The following REXO4 variants were observed in gnomAD, a reference collection of about 807,000 sequenced individuals.
REXO4 encodes REX4 homolog, 3'-5' exonuclease.
REXO4 carries 29 observed loss-of-function variants against 39.9 expected under a neutral mutation model. The observed-to-expected ratio is 0.73, with a 90% confidence interval of 0.54 to 0.99. The LOEUF is 0.99. REXO4 is among the 50% of genes least tolerant of loss of function. The pLI is 0.00. For missense variants in REXO4, 524 were observed against 546.5 expected (o/e 0.96, Z 0.41); for synonymous variants, 184 against 206.2 (o/e 0.89, Z 0.92).
chr9:133,417,265 C>T (rs1839690855), intron 1 of REXO4, among the ~76,000 whole-genome samples: 1 of 152,270 alleles, frequency 6.6e-6, no homozygotes, highest in Non-Finnish European at 1.5e-5. Context: ...GATCTGCCCG[C>T]CTCGGCCTCC....
rs782750666 is a variant in REXO4, at chr9:133,412,381, A to T, written c.828T>A (p.Tyr276Ter). 6.2e-7 allele frequency: 1 copy of T among 1,614,112 alleles called. No homozygotes were observed. Among genetic ancestry groups the T allele is most frequent in the South Asian group, 1.1e-5 (1 of 91,076 alleles). The change falls in exon 4 of 8, where the codon TAT becomes TAA. Residue 276 changes from tyrosine to a stop codon, truncating the protein, a stop_gained. Coordinates refer to ENST00000371942, the MANE Select transcript of REXO4 (RefSeq NM_020385.4). LOFTEE classifies it high-confidence loss of function. ...GCTCGGTTGGTTTGACGTACTTGTC[A>T]TAAACGCACTTCCCATACTGGTTCA... is the stretch of plus-strand genomic sequence containing the variant. ...SIVNQYGKCV[Y>*]DKYVKPTEPV...
At chr9:133,416,607 T>C (rs1554781623) in intron 1 of REXO4, among the ~76,000 whole-genome samples, 2 of 152,136 alleles carry the variant, frequency 1.3e-5, no homozygotes, top group African/African-American at 2.4e-5. Context: ...TAAGAATGTA[T>C]GAGTGACGCA....
chr9:133,414,590 C>T (rs781809440), intron 2 of REXO4, 75 bp downstream of exon 2: 1 of 1,331,628 alleles, frequency 7.5e-7, no homozygotes, highest in Non-Finnish European at 1.1e-6. Context: ...GTGAGGCCAC[C>T]AGCCTCCATA....
At chr9:133,414,046 C>T (rs587752092) in intron 2 of REXO4, among the ~76,000 whole-genome samples, 3 of 152,352 alleles carry the variant, frequency 2.0e-5, no homozygotes, top group East Asian at 3.9e-4. Flanking sequence ...CCGGTCCACC[C>T]CACGTGGGTG....
chr9:133,412,713 T>G, intron 3 of REXO4, 65 bp downstream of exon 3: 1 of 1,587,242 alleles, frequency 6.3e-7, no homozygotes, highest in Non-Finnish European at 8.6e-7. Flanking sequence ...TCCTCTTCCT[T>G]GAAGAAGCCC....
Position 133,417,744 on chromosome 9 carries a change from T to C in REXO4, c.101A>G (p.Lys34Arg). The C allele has an allele frequency of 6.2e-7, 1 of 1,613,864 alleles. No individual in the cohort carries two copies. Among genetic ancestry groups the C allele is most frequent in the Non-Finnish European group, 8.5e-7 (1 of 1,179,962 alleles). Residue 34 changes from lysine to arginine, a missense_variant, in exon 1 of 8, where the codon AAA (lysine) becomes AGA (arginine). Physicochemically the swap from Lys to Arg is conservative, Grantham distance 26 (BLOSUM62 2). Transcript: ENST00000371942. ...KTLTRKKNKK[K>R]KRFWKSKARE... is the part of the protein sequence containing the mutation. ...CGCCTTGCTTTTCCAAAACCTTTTT[T>C]TCTTCTTGTTTTTCTTCCGAGTGAG...
chr9:133,408,227 G>A (rs782067561), intron 6 of REXO4, among the ~76,000 whole-genome samples: 1 of 152,124 alleles, frequency 6.6e-6, no homozygotes. Context: ...GCCAACGAGG[G>A]CAGATCACTT....
chr9:133,407,138 T>A lies in REXO4; in HGVS notation c.1150-66A>T, dbSNP rs146195085. ...CCGCAGCCCACAGTCAACCCCACAA[T>A]GACTGAGCCCTCCCACTAGCCACTC... On this transcript the variant is annotated intron_variant, in intron 7 of 7. Coordinates refer to ENST00000371942, the MANE Select transcript of REXO4 (RefSeq NM_020385.4). 2,481 of 1,601,046 alleles carry A rather than the reference T, an allele frequency of 1.5e-3. 36 individuals are homozygous for A. Among genetic ancestry groups the A allele is most frequent in the East Asian group, 8.1e-3 (362 of 44,780 alleles).
At chr9:133,412,724 C>A (rs907081849) in intron 3 of REXO4, 54 bp downstream of exon 3, 46 of 1,594,554 alleles carry the variant, frequency 2.9e-5, no homozygotes, top group Non-Finnish European at 3.5e-5. Flanking sequence ...GAAGAAGCCC[C>A]GCCCTCCACG....
In REXO4 at chr9:133,412,362, T is replaced by G. The variant is rs2285487; in HGVS notation, c.847A>C (p.Thr283Pro). 1.6e-5 allele frequency: 26 copies of G among 1,613,906 alleles called. No individual in the cohort carries two copies. In the African/African-American group the frequency reaches 3.5e-4, roughly 22 times the overall value. The change falls in exon 4 of 8, where the codon ACC becomes CCC. Residue 283 changes from threonine to proline, a missense_variant. Coordinates refer to ENST00000371942, the MANE Select transcript of REXO4 (RefSeq NM_020385.4). ...KCVYDKYVKPTEPVTDYRTAV... is the reference protein window; with the variant it reads ...KCVYDKYVKPPEPVTDYRTAV... ...GTCCTATAGTCCGTCACGGGCTCGGTTGGTTTGACGTACTTGTCATAAACG... is the reference window on the plus strand; with the variant it reads ...GTCCTATAGTCCGTCACGGGCTCGGGTGGTTTGACGTACTTGTCATAAACG...
At position 133,414,821 on chromosome 9, in the gene REXO4, T is replaced by C. The variant is rs782023241; in HGVS notation, c.416A>G (p.Asp139Gly). ...GGTGCGAGGTACTGGCGCCCTCCTG[T>C]CCATCTTGGAACCTGAAGGAACAGA... Reference protein sequence around the residue: ...RGSVPSGSKMDRRAPVPRTKA... With the variant: ...RGSVPSGSKMGRRAPVPRTKA... Residue 139 changes from aspartate to glycine, a missense_variant, in exon 2 of 8, where the codon GAC becomes GGC. Physicochemically the swap from Asp to Gly is moderately conservative, Grantham distance 94. Coordinates refer to ENST00000371942, the MANE Select transcript of REXO4 (RefSeq NM_020385.4). The C allele has an allele frequency of 6.2e-7, 1 of 1,614,174 alleles. No homozygotes were observed. The highest frequency in any genetic ancestry group is 1.1e-5 in the South Asian group (1 of 91,082).
In REXO4 at chr9:133,406,422, T is replaced by C. The variant is rs13940; in HGVS notation, c.*531A>G. On this transcript the variant is annotated 3_prime_UTR_variant, in exon 8 of 8. Transcript: ENST00000371942. ...TTTAATTTAGATAAATGCTCAAAGT[T>C]CAAACGGCCACAGGAAACCCCTGAT... 0.1 allele frequency: 16,177 copies of C among 155,092 alleles called. 1,061 individuals are homozygous for C. Among genetic ancestry groups the C allele is most frequent in the African/African-American group, 0.18 (7,525 of 41,576 alleles). The allele number at this position is 155,092 out of a possible 1,614,324, so 9.6% of individuals were successfully genotyped here. A position where few individuals can be genotyped will look rare whatever the true frequency, so the allele number is the denominator to read the frequency against.
rs376023502 is a variant in REXO4, at chr9:133,414,633, C to A, written c.572+32G>T. 5 of 1,601,886 alleles carry A rather than the reference C, an allele frequency of 3.1e-6. No homozygotes were observed. The African/African-American group carries it at 6.7e-5, about 21-fold the overall frequency. On this transcript the variant is annotated intron_variant, in intron 2 of 7. Transcript: ENST00000371942. ...AGGCCTTGGTGAAGTCGCTGTGCCT[C>A]GGTTCTCAGTGGTGAGGTGGCCCAT...
chr9:133,418,005 G>A lies in REXO4; in HGVS notation c.-161C>T. 1.5e-6 allele frequency: 1 copy of A among 654,210 alleles called. No homozygotes were observed. Among genetic ancestry groups the A allele is most frequent in the Admixed American group, 3.0e-5 (1 of 33,768 alleles). 40.5% of individuals were successfully genotyped at this position (654,210 alleles called of 1,614,324 possible). ...CTCCGGAAGAGACCCCGCACGCGTTGCGCATACCTCAGCACGCACGCTCCA... is the reference window on the plus strand; with the variant it reads ...CTCCGGAAGAGACCCCGCACGCGTTACGCATACCTCAGCACGCACGCTCCA... On this transcript the variant is annotated 5_prime_UTR_variant, in exon 1 of 8. Coordinates refer to ENST00000371942, the MANE Select transcript of REXO4 (RefSeq NM_020385.4).
At chr9:133,409,910 C>T (rs782715147) in intron 5 of REXO4, among the ~76,000 whole-genome samples, 6 of 152,140 alleles carry the variant, frequency 3.9e-5, no homozygotes, top group Non-Finnish European at 7.3e-5. Flanking sequence ...GCGCAAGGTG[C>T]CAGGGATGGA....
Position 133,417,798 on chromosome 9 carries a change from G to A in REXO4, c.47C>T (p.Pro16Leu), listed in dbSNP as rs1554782034. ...CTTGACAGGACCCGGCTTAGCCACG[G>A]GGCTGCTCGGGGCGCGCTTGGAGGC... Reference protein sequence around the residue: ...VPASKRAPSSPVAKPGPVKTL... With the variant: ...VPASKRAPSSLVAKPGPVKTL... The change falls in exon 1 of 8, where the codon CCC becomes CTC. Residue 16 changes from proline (P) to leucine (L), a missense_variant. Coordinates refer to ENST00000371942, the MANE Select transcript of REXO4 (RefSeq NM_020385.4). 1.2e-6 allele frequency: 2 copies of A among 1,607,452 alleles called. No homozygotes were observed. Among genetic ancestry groups the A allele is most frequent in the Admixed American group, 1.7e-5 (1 of 60,020 alleles).
Position 133,408,825 on chromosome 9 carries a change from A to G in REXO4, c.1017T>C (p.His339=), listed in dbSNP as rs1839052512. ...GTGTGTCCCGAATCTTCTTTTTTGG[A>G]TGATCAAGAAATAGTACCTAGAAAA... ...HNDLKVLFLD[H]PKKKIRDTQK... Residue 339 remains histidine (H), a synonymous_variant, in exon 6 of 8, where the codon CAT becomes CAC. Transcript: ENST00000371942. 1 of 1,593,714 alleles carries G rather than the reference A, an allele frequency of 6.3e-7. No individual in the cohort carries two copies. Among genetic ancestry groups the G allele is most frequent in the Non-Finnish European group, 8.6e-7 (1 of 1,164,140 alleles).
intron 2 of REXO4, 133 bp from the exon 3 acceptor site, chr9:133,413,054 C>T (rs587605167): frequency 1.1e-6 from 1 of 926,540 alleles, no homozygotes; most frequent in Non-Finnish European, 1.6e-6. Context: ...GCCCCAGACA[C>T]CCCGACTGCT....
chr9:133,406,959 G>C lies in REXO4; in HGVS notation c.1263C>G (p.Asp421Glu), dbSNP rs781872724. 6.2e-7 allele frequency: 1 copy of C among 1,610,968 alleles called. No homozygotes were observed. The highest frequency in any genetic ancestry group is 8.5e-7 in the Non-Finnish European group (1 of 1,179,990). Residue 421 changes from aspartate (D) to glutamate (E), a missense_variant, in exon 8 of 8, where the codon GAC (aspartate) becomes GAG (glutamate). Coordinates refer to ENST00000371942, the MANE Select transcript of REXO4 (RefSeq NM_020385.4). ...LLTAPDHCSD[D>E]A ...CAGCAGCAGGGCAGGACTGCTAGGCGTCGTCACTGCAGTGGTCTGGAGCAG... is the reference window on the plus strand; with the variant it reads ...CAGCAGCAGGGCAGGACTGCTAGGCCTCGTCACTGCAGTGGTCTGGAGCAG...
Sources: allele counts gnomAD v4.1 joint callset (sites outside exome capture counted in the v4.1 genomes callset), GRCh38; gene constraint gnomAD v4.1.1; transcripts MANE v1.5; gene names NCBI Gene and HGNC (gene_info 2026-07-23, HGNC 2026-07-21).